Variants in NRIP1 observed in about 807,000 individuals in gnomAD.
NRIP1 encodes the protein nuclear receptor interacting protein 1, also known as nuclear receptor-interacting protein 1.
Under a neutral mutation model 75.0 loss-of-function variants are expected in NRIP1, and 28 were observed. That is an observed-to-expected ratio of 0.37 (90% CI 0.28 to 0.51). The LOEUF (loss-of-function observed/expected upper bound fraction) is 0.51, where lower values mean the gene tolerates loss of function less well. Among genes scored for constraint, NRIP1 ranks in the 20% least tolerant of loss-of-function variants. NRIP1 has a pLI of 0.92. For missense variants in NRIP1, 1,435 were observed against 1,343.7 expected (o/e 1.07, Z -1.06); for synonymous variants, 526 against 487.6 (o/e 1.08, Z -1.04).
intron 2 of NRIP1, among the ~76,000 whole-genome samples, chr21:15,036,223 T>C (rs946432751): frequency 1.3e-5 from 2 of 152,246 alleles, no homozygotes; most frequent in Non-Finnish European, 2.9e-5. Flanking sequence ...TAAAGGGCTG[T>C]GTATACTGCC....
At position 15,033,428 on chromosome 21, in the gene NRIP1, C is replaced by T. The variant is rs750031071; in HGVS notation, c.-458+10067G>A. 1.3e-4 allele frequency among the ~76,000 whole-genome samples: 20 copies of T among 152,146 alleles called. 1 individual carries two copies. In the Middle Eastern group the frequency reaches 0.014, roughly 104 times the overall value. On this transcript the variant is annotated intron_variant, in intron 2 of 3. Coordinates refer to ENST00000318948, the MANE Select transcript of NRIP1 (RefSeq NM_003489.4). Reference sequence around the variant, plus strand: ...GTAAGTGGCAGAGTTGGGGTTCATACCTAGATTATCTGGTCTTGTTCAAAA... The same window carrying T: ...GTAAGTGGCAGAGTTGGGGTTCATATCTAGATTATCTGGTCTTGTTCAAAA...
intron 3 of NRIP1, among the ~76,000 whole-genome samples, chr21:14,983,228 T>C (rs1056090226): frequency 2.1e-4 from 32 of 151,394 alleles, no homozygotes; most frequent in African/African-American, 7.3e-4. Flanking sequence ...AAAAAAACAA[T>C]TATTGTAGGA....
chr21:15,059,122 A>G (rs2089368920), intron 1 of NRIP1, among the ~76,000 whole-genome samples: 1 of 152,168 alleles, frequency 6.6e-6, no homozygotes, highest in Non-Finnish European at 1.5e-5. Context: ...CTGAATAAAC[A>G]TCAACATCAG....
chr21:15,006,047 T>C (rs1428383439), intron 3 of NRIP1, among the ~76,000 whole-genome samples: 2 of 152,218 alleles, frequency 1.3e-5, no homozygotes, highest in Non-Finnish European at 2.9e-5. Context: ...TACATGGTTT[T>C]AGTTGGTTAA....
intron 3 of NRIP1, among the ~76,000 whole-genome samples, chr21:14,976,208 T>C (rs2087062661): frequency 6.6e-6 from 1 of 152,146 alleles, no homozygotes; most frequent in Admixed American, 6.5e-5. Flanking sequence ...CTTTAAAGTT[T>C]ATAAAGTTAA....
intron 2 of NRIP1, among the ~76,000 whole-genome samples, chr21:15,042,399 G>C (rs1012330307): frequency 2.0e-5 from 3 of 152,230 alleles, no homozygotes; most frequent in African/African-American, 7.2e-5. Context: ...TATAGATCAA[G>C]AAGACTATGT....
In NRIP1 at chr21:14,966,017, C is replaced by CA; in HGVS notation, c.2175dup (p.Glu726Ter). The CA allele has an allele frequency of 6.2e-7, 1 of 1,608,392 alleles. No homozygotes were observed. Among genetic ancestry groups the CA allele is most frequent in the Non-Finnish European group, 8.5e-7 (1 of 1,178,500 alleles). On this transcript the variant is annotated frameshift_variant, in exon 4 of 4. Coordinates refer to ENST00000318948, the MANE Select transcript of NRIP1 (RefSeq NM_003489.4). LOFTEE classifies it high-confidence loss of function. ...CTTAAGGGAGTTTTCTCTTTTTTTT[C>CA]ACTCTTCCCTTTGTTGGGGTTCCCC...
chr21:14,999,509 G>A (rs1463276232), intron 3 of NRIP1, among the ~76,000 whole-genome samples: 2 of 151,318 alleles, frequency 1.3e-5, no homozygotes, highest in African/African-American at 2.4e-5. Flanking sequence ...TATTATTTCA[G>A]AAGCATAAAA....
Position 14,966,422 on chromosome 21 carries a change from G to A in NRIP1, c.1771C>T (p.Leu591=). The part of the protein sequence containing the change: ...PYVCSTQSEK[L]TNTASNHSMD... ...GAGTGGTTAGATGCAGTATTTGTTA[G>A]CTTTTCAGACTGAGTACTGCAGACA... The change falls in exon 4 of 4, where the codon CTA becomes TTA. Residue 591 remains leucine (L), a synonymous_variant. Coordinates refer to ENST00000318948, the MANE Select transcript of NRIP1 (RefSeq NM_003489.4). 1 of 1,614,078 alleles carries A rather than the reference G, an allele frequency of 6.2e-7. No individual in the cohort carries two copies. The highest frequency in any genetic ancestry group is 8.5e-7 in the Non-Finnish European group (1 of 1,179,972).
At chr21:14,970,419 G>A (rs894633930) in intron 3 of NRIP1, among the ~76,000 whole-genome samples, 3 of 152,182 alleles carry the variant, frequency 2.0e-5, no homozygotes, top group Non-Finnish European at 2.9e-5. Context: ...GGTGGCATGC[G>A]CCTGTAGTCC....
chr21:15,062,777 T>C (rs1267697538), intron 1 of NRIP1, among the ~76,000 whole-genome samples: 6 of 152,228 alleles, frequency 3.9e-5, no homozygotes, highest in Non-Finnish European at 8.8e-5. Flanking sequence ...TAGGTTATTT[T>C]TTATCATGAT....
chr21:15,047,597 A>C (rs183353119), intron 1 of NRIP1, among the ~76,000 whole-genome samples: 1 of 152,354 alleles, frequency 6.6e-6, no homozygotes, highest in Non-Finnish European at 1.5e-5. Context: ...ATGAGAACTC[A>C]CTATCACGAG....
chr21:15,064,418 G>A (rs1375633763), intron 1 of NRIP1, among the ~76,000 whole-genome samples: 1 of 152,184 alleles, frequency 6.6e-6, no homozygotes. Flanking sequence ...AGCGAGCGGG[G>A]GCAACCCCGA....
chr21:15,002,003 A>G (rs1253805146), intron 3 of NRIP1, among the ~76,000 whole-genome samples: 1 of 152,116 alleles, frequency 6.6e-6, no homozygotes, highest in African/African-American at 2.4e-5. Flanking sequence ...TCTTATTCAA[A>G]TGAACTCTCT....
chr21:15,041,297 G>C (rs1287558061), intron 2 of NRIP1, among the ~76,000 whole-genome samples: 1 of 152,104 alleles, frequency 6.6e-6, no homozygotes. Context: ...CTAATCTATA[G>C]TAAAAGACGC....
intron 3 of NRIP1, among the ~76,000 whole-genome samples, chr21:14,982,905 T>C (rs1447512293): frequency 6.6e-6 from 1 of 152,094 alleles, no homozygotes; most frequent in Admixed American, 6.5e-5. Context: ...GTGTTACTAT[T>C]ATAATTGTTT....
Position 14,964,869 on chromosome 21 carries a change from TA to T in NRIP1, c.3323del (p.Leu1108TyrfsTer14). On this transcript the variant is annotated frameshift_variant, in exon 4 of 4. Transcript: ENST00000318948. LOFTEE classifies it high-confidence loss of function. ...AAGCTTTCGTTTCTGCAGTAGGAAG[TA>T]ACTCTTCTTTGGCTGTGACCTGTGA... The part of the protein sequence containing the change: ...SVSQVTAKEE[L>X]LPTAETKASF... 1.2e-6 allele frequency: 2 copies of T among 1,613,452 alleles called. No homozygotes were observed. The highest frequency in any genetic ancestry group is 1.7e-6 in the Non-Finnish European group (2 of 1,179,716).
At chr21:14,970,828 T>C (rs1320747756) in intron 3 of NRIP1, among the ~76,000 whole-genome samples, 1 of 152,376 alleles carries the variant, frequency 6.6e-6, no homozygotes, top group Admixed American at 6.5e-5. Flanking sequence ...TACTTTTTAC[T>C]GTGCATGATA....
intron 3 of NRIP1, among the ~76,000 whole-genome samples, chr21:15,010,335 A>G (rs1473763392): frequency 6.6e-6 from 1 of 152,140 alleles, no homozygotes; most frequent in Non-Finnish European, 1.5e-5. Context: ...AGTTTGATCA[A>G]CACTTTTAAA....
Sources: gnomAD v4.1 joint callset for allele counts (sites outside exome capture counted in the v4.1 genomes callset) on GRCh38, gnomAD v4.1.1 for gene constraint, MANE v1.5 for transcripts, NCBI Gene and HGNC (gene_info 2026-07-23, HGNC 2026-07-21) for gene names.